AOPEP: variants seen among roughly 807,000 people sequenced by gnomAD.
The protein encoded by AOPEP is aminopeptidase O (putative), also known as aminopeptidase O.
AOPEP carries 77 observed loss-of-function variants against 98.1 expected under a neutral mutation model. That is an observed-to-expected ratio of 0.78 (90% CI 0.65 to 0.95). The LOEUF (loss-of-function observed/expected upper bound fraction) is 0.95. AOPEP is among the 40% of genes least tolerant of loss of function. The pLI is 0.00. For missense variants in AOPEP, 1,024 were observed against 1,024.7 expected (o/e 1.00, Z 0.01); for synonymous variants, 346 against 365.3 (o/e 0.95, Z 0.60).
chr9:94,737,584 A>C (rs962812529), intron 1 of AOPEP, among the ~76,000 whole-genome samples: 11 of 152,256 alleles, frequency 7.2e-5, no homozygotes, highest in Admixed American at 2.0e-4. Flanking sequence ...CAGTGTATAA[A>C]TTTGTAAAGT....
Position 94,928,605 on chromosome 9 carries a change from A to G in AOPEP, c.1661+74A>G. The stretch of plus-strand genomic sequence containing the variant: ...CTTCAAGACACCTCCCTGCCAACTG[A>G]TGACATCTGCTGTGTTTCCTTTTTA... On this transcript the variant is annotated intron_variant, in intron 7 of 16. Coordinates refer to ENST00000375315, the MANE Select transcript of AOPEP (RefSeq NM_001193329.3). The G allele has an allele frequency of 3.9e-6, 4 of 1,018,998 alleles. No individual in the cohort carries two copies. In the South Asian group the frequency reaches 5.7e-5, roughly 15 times the overall value. 63.1% of individuals were successfully genotyped at this position (1,018,998 alleles called of 1,614,324 possible).
chr9:95,100,401 G>T, the AOPEP span: 12 of 231,234 alleles, frequency 5.2e-5, no homozygotes, highest in Middle Eastern at 1.3e-3. Flanking sequence ...CCAAAATAAG[G>T]AATTTCCCTA....
the AOPEP span, chr9:95,117,318 G>A: frequency 5.0e-6 from 8 of 1,613,932 alleles, no homozygotes; most frequent in Non-Finnish European, 6.8e-6. Context: ...AACTCACCTT[G>A]AGGGTCTTGC....
intron 5 of AOPEP, among the ~76,000 whole-genome samples, chr9:94,811,250 G>A (rs1265820060): frequency 6.6e-6 from 1 of 152,156 alleles, no homozygotes; most frequent in Non-Finnish European, 1.5e-5. Flanking sequence ...TAAATGACTT[G>A]TCAAGTACCA....
chr9:95,026,795 A>G (rs2063874986), intron 13 of AOPEP, among the ~76,000 whole-genome samples: 1 of 152,216 alleles, frequency 6.6e-6, no homozygotes, highest in Non-Finnish European at 1.5e-5. Context: ...TGGCTATACC[A>G]CATTACCTTC....
At chr9:94,998,168 A>G (rs2061353890) in intron 11 of AOPEP, among the ~76,000 whole-genome samples, 1 of 151,548 alleles carries the variant, frequency 6.6e-6, no homozygotes, top group African/African-American at 2.4e-5. Context: ...TCTGGGGTTG[A>G]TCTAATCCAT....
chr9:94,792,618 GC>G, intron 3 of AOPEP, 146 bp from the exon 4 acceptor site: 1 of 657,350 alleles, frequency 1.5e-6, no homozygotes, highest in Non-Finnish European at 2.5e-6. Context: ...CCTGAAATGT[GC>G]CCTTTCTGCT....
At chr9:94,896,176 ATGG>A (rs1226456797) in intron 5 of AOPEP, among the ~76,000 whole-genome samples, 1 of 152,238 alleles carries the variant, frequency 6.6e-6, no homozygotes, top group African/African-American at 2.4e-5. Flanking sequence ...GATAAGATGG[ATGG>A]TTACAAAATA....
intron 13 of AOPEP, among the ~76,000 whole-genome samples, chr9:95,021,084 T>A (rs531531484): frequency 6.6e-6 from 1 of 152,146 alleles, no homozygotes. Context: ...TTTTCATGTT[T>A]ATATATATTC....
At chr9:95,145,075 C>T in the AOPEP span, among the ~76,000 whole-genome samples, 5 of 152,146 alleles carry the variant, frequency 3.3e-5, no homozygotes, top group Admixed American at 1.3e-4. Flanking sequence ...TTAAATCTCA[C>T]TTTCACAAAA....
chr9:94,894,154 C>T (rs1207719580), intron 5 of AOPEP, among the ~76,000 whole-genome samples: 5 of 151,952 alleles, frequency 3.3e-5, no homozygotes, highest in African/African-American at 1.2e-4. Flanking sequence ...AACATCACTT[C>T]TGAGGTTAGA....
chr9:95,021,411 G>A (rs2063446298), intron 13 of AOPEP, among the ~76,000 whole-genome samples: 1 of 152,216 alleles, frequency 6.6e-6, no homozygotes, highest in Non-Finnish European at 1.5e-5. Flanking sequence ...TCTGGGAAAA[G>A]GCACCTGCCT....
At chr9:95,117,377 A>G in the AOPEP span, 1 of 1,613,948 alleles carries the variant, frequency 6.2e-7, no homozygotes, top group Non-Finnish European at 8.5e-7. Context: ...GTAGGTCTTG[A>G]GTGCAAACCG....
intron 7 of AOPEP, chr9:94,931,685 AC>A (rs1331880661): frequency 4.3e-6 from 6 of 1,391,016 alleles, no homozygotes; most frequent in Non-Finnish European, 6.0e-6. Flanking sequence ...GGCCATAACA[AC>A]GTAAAAATCT....
At chr9:94,929,887 C>T (rs1177076211) in intron 7 of AOPEP, among the ~76,000 whole-genome samples, 1 of 152,222 alleles carries the variant, frequency 6.6e-6, no homozygotes, top group Non-Finnish European at 1.5e-5. Flanking sequence ...TGTGCATAGC[C>T]TGCCTGAGGT....
intron 14 of AOPEP, among the ~76,000 whole-genome samples, chr9:95,079,040 C>T (rs1442381341): frequency 6.6e-6 from 1 of 152,214 alleles, no homozygotes; most frequent in Non-Finnish European, 1.5e-5. Context: ...TCCCAGCCTC[C>T]TTCCCTTTTG....
At chr9:94,889,779 G>A (rs563935894) in intron 5 of AOPEP, among the ~76,000 whole-genome samples, 133 of 152,242 alleles carry the variant, frequency 8.7e-4, no homozygotes, top group South Asian at 8.5e-3. Flanking sequence ...GAAATGTGCC[G>A]TTTTACATTT....
At chr9:95,086,593 A>C in intron 16 of AOPEP, 89 bp from the exon 17 acceptor site, 1 of 992,866 alleles carries the variant, frequency 1.0e-6, no homozygotes, top group Non-Finnish European at 1.2e-6. Context: ...CTCTCTTGAA[A>C]GTGGAGAGCA....
At chr9:94,743,102 C>T (rs1323100691) in intron 1 of AOPEP, among the ~76,000 whole-genome samples, 2 of 151,946 alleles carry the variant, frequency 1.3e-5, no homozygotes, top group Non-Finnish European at 2.9e-5. Context: ...AGGCTGCTCT[C>T]TGTGGAGTAG....
Sources: gnomAD v4.1 joint callset for allele counts (sites outside exome capture counted in the v4.1 genomes callset) on GRCh38, gnomAD v4.1.1 for gene constraint, MANE v1.5 for transcripts, NCBI Gene and HGNC (gene_info 2026-07-23, HGNC 2026-07-21) for gene names.